Variants in RSU1 observed in about 807,000 individuals in gnomAD.
The protein encoded by RSU1 is rsu-1.
Under a neutral mutation model 31.1 loss-of-function variants are expected in RSU1, and 26 were observed. The ratio of observed to expected loss-of-function variants is 0.84; its 90% CI spans 0.61 to 1.16. The LOEUF is 1.16. RSU1 is among the 50% of genes most tolerant of loss of function. The probability of loss-of-function intolerance (pLI) is 0.00; values close to 1 mark genes in which losing one functional copy is unlikely to be tolerated. For missense variants in RSU1, 320 were observed against 339.1 expected, an observed-to-expected ratio of 0.94 and a Z score of 0.44; for synonymous variants, 164 against 136.3, an observed-to-expected ratio of 1.20 and a Z score of -1.41.
At chr10:16,720,954 T>C (rs1156411567) in intron 7 of RSU1, among the ~76,000 whole-genome samples, 1 of 152,086 alleles carries the variant, frequency 6.6e-6, no homozygotes, top group African/African-American at 2.4e-5. Context: ...ACCACTGCAC[T>C]CCAGCCTGGA....
Position 16,808,497 on chromosome 10 carries a change from A to C in RSU1, c.109+8476T>G, listed in dbSNP as rs571428943. 1.9e-4 allele frequency among the ~76,000 whole-genome samples: 29 copies of C among 151,282 alleles called. 1 individual carries two copies. The South Asian group carries it at 2.9e-3, about 15-fold the overall frequency. ...AAACTCCATTTAAGAAAAAAAAAAA[A>C]AAAAAAAAACAAAGTGAACTCCGTT... On this transcript the variant is annotated intron_variant, in intron 2 of 8. Coordinates refer to ENST00000345264, the MANE Select transcript of RSU1 (RefSeq NM_012425.4).
At chr10:16,761,376 C>T (rs1403441741) in intron 4 of RSU1, among the ~76,000 whole-genome samples, 1 of 152,198 alleles carries the variant, frequency 6.6e-6, no homozygotes, top group Non-Finnish European at 1.5e-5. Context: ...TGGCCAGCAG[C>T]TAGAACAATG....
intron 2 of RSU1, among the ~76,000 whole-genome samples, chr10:16,784,486 C>T (rs561174292): frequency 6.6e-6 from 1 of 152,278 alleles, no homozygotes; most frequent in East Asian, 1.9e-4. Flanking sequence ...GGGGAGACCT[C>T]AGGGAACTTA....
In RSU1 at chr10:16,592,291, T is replaced by G. The variant is rs1833519553; in HGVS notation, c.*1103A>C. 1 of 152,232 alleles carries G rather than the reference T, an allele frequency of 6.6e-6. No homozygotes were observed. Among genetic ancestry groups the G allele is most frequent in the African/African-American group, 2.4e-5 (1 of 41,470 alleles). 9.4% of individuals were successfully genotyped at this position (152,232 alleles called of 1,614,324 possible). On this transcript the variant is annotated 3_prime_UTR_variant, in exon 9 of 9. Transcript: ENST00000345264. ...GTGCATCTTCACATACCATTTTTTT[T>G]GTGTCGGCCTTCTGGGGTTGACAGC...
chr10:16,769,619 ACT>A (rs761619504), intron 3 of RSU1, among the ~76,000 whole-genome samples: 56 of 152,072 alleles, frequency 3.7e-4, no homozygotes, highest in Non-Finnish European at 1.3e-4. Flanking sequence ...AAAGCCTGAG[ACT>A]CTGAATTTCC....
intron 3 of RSU1, among the ~76,000 whole-genome samples, chr10:16,776,664 A>T (rs2131641639): frequency 6.6e-6 from 1 of 152,222 alleles, no homozygotes; most frequent in East Asian, 1.9e-4. Flanking sequence ...AAACTAAACA[A>T]TTACATTCAG....
chr10:16,785,526 A>ACACATATATACAT (rs1240281059), intron 2 of RSU1, among the ~76,000 whole-genome samples: 2 of 141,822 alleles, frequency 1.4e-5, no homozygotes, highest in African/African-American at 5.7e-5. Context: ...ATATATATAT[A>ACACATATATACAT]ATATTAGTTC....
intron 8 of RSU1, among the ~76,000 whole-genome samples, chr10:16,596,057 C>A (rs1444170286): frequency 6.6e-6 from 1 of 152,124 alleles, no homozygotes; most frequent in Non-Finnish European, 1.5e-5. Flanking sequence ...ACGGGTCCCC[C>A]TGAAGACGAG....
rs61697827 is a variant in RSU1, at chr10:16,802,192, C to CA, written c.109+14780dup. Reference sequence around the variant, plus strand: ...CTGGTAATCCTGTAGGGAGGCTAACCAAAAAAAAAAAAAGAACGAACAAAT... The same window carrying CA: ...CTGGTAATCCTGTAGGGAGGCTAACCAAAAAAAAAAAAAAGAACGAACAAAT... On this transcript the variant is annotated intron_variant, in intron 2 of 8. Coordinates refer to ENST00000345264, the MANE Select transcript of RSU1 (RefSeq NM_012425.4). 9.6e-4 allele frequency among the ~76,000 whole-genome samples: 110 copies of CA among 114,184 alleles called. No homozygotes were observed. The Middle Eastern group carries it at 0.014, about 15-fold the overall frequency. The allele number at this position is 114,184 out of a possible 152,430, so 74.9% of individuals were successfully genotyped here.
intron 2 of RSU1, among the ~76,000 whole-genome samples, chr10:16,794,513 T>A (rs1051834087): frequency 1.3e-5 from 2 of 152,242 alleles, no homozygotes; most frequent in Admixed American, 6.5e-5. Flanking sequence ...TTTATTTGTG[T>A]AACACAAAAC....
intron 4 of RSU1, 86 bp from the exon 5 acceptor site, chr10:16,755,075 A>G (rs1246809121): frequency 5.3e-6 from 4 of 754,060 alleles, no homozygotes; most frequent in Non-Finnish European, 9.2e-6. Context: ...TCAGACGCTG[A>G]AAGTGTAAGA....
chr10:16,736,534 G>C (rs556712651), intron 7 of RSU1, among the ~76,000 whole-genome samples: 4 of 152,008 alleles, frequency 2.6e-5, no homozygotes, highest in Non-Finnish European at 5.9e-5. Context: ...TTAACGACCT[G>C]CTAGAATGAA....
intron 8 of RSU1, among the ~76,000 whole-genome samples, chr10:16,646,444 C>A (rs1270647343): frequency 3.3e-5 from 5 of 152,130 alleles, no homozygotes; most frequent in African/African-American, 1.2e-4. Context: ...ACAGATGAAC[C>A]ATCACCTCCT....
chr10:16,773,878 GT>G, intron 3 of RSU1, among the ~76,000 whole-genome samples: 1 of 149,760 alleles, frequency 6.7e-6, no homozygotes, highest in South Asian at 2.2e-4. Flanking sequence ...AGGAACATCA[GT>G]TTTTTTAAAA....
At chr10:16,733,112 C>G (rs1224041548) in intron 7 of RSU1, among the ~76,000 whole-genome samples, 1 of 152,090 alleles carries the variant, frequency 6.6e-6, no homozygotes, top group East Asian at 1.9e-4. Context: ...ATCATCATTA[C>G]TAGGCAAATA....
At chr10:16,759,480 C>G (rs149034830) in intron 4 of RSU1, among the ~76,000 whole-genome samples, 1 of 152,278 alleles carries the variant, frequency 6.6e-6, no homozygotes, top group East Asian at 1.9e-4. Context: ...GCACTCCAGC[C>G]TGGGTGACAG....
intron 2 of RSU1, among the ~76,000 whole-genome samples, chr10:16,791,446 T>C (rs916603740): frequency 6.6e-6 from 1 of 151,962 alleles, no homozygotes; most frequent in Non-Finnish European, 1.5e-5. Context: ...TTTCAGGACA[T>C]AGTGAAATCC....
chr10:16,653,877 T>A (rs1253415648), intron 8 of RSU1, among the ~76,000 whole-genome samples: 1 of 152,162 alleles, frequency 6.6e-6, no homozygotes, highest in African/African-American at 2.4e-5. Flanking sequence ...TGATGCCCAA[T>A]GTGACACCAG....
At chr10:16,787,751 T>C (rs547260657) in intron 2 of RSU1, among the ~76,000 whole-genome samples, 1 of 152,318 alleles carries the variant, frequency 6.6e-6, no homozygotes, top group South Asian at 2.1e-4. Flanking sequence ...GCCATCACTG[T>C]GAGGCCTCTC....
Sources: gnomAD v4.1 joint callset for allele counts (sites outside exome capture counted in the v4.1 genomes callset) on GRCh38, gnomAD v4.1.1 for gene constraint, MANE v1.5 for transcripts, NCBI Gene and HGNC (gene_info 2026-07-23, HGNC 2026-07-21) for gene names.